Variants in MSRA observed in about 807,000 individuals in gnomAD.
The protein encoded by MSRA is mitochondrial peptide methionine sulfoxide reductase.
A neutral mutation model predicts 31.3 loss-of-function variants in MSRA; 54 were observed. The ratio of observed to expected loss-of-function variants is 1.73; its 90% confidence interval spans 1.39 to 2.17. The LOEUF is 2.17. Among genes scored for constraint, MSRA ranks in the 30% most tolerant of loss-of-function variants. MSRA has a pLI of 0.00. For synonymous variants in MSRA, 169 were observed against 116.5 expected (o/e 1.45, Z -2.90); for missense variants, 507 against 300.9 (o/e 1.69, Z -5.07).
At chr8:10,376,961 C>T (rs1473555804) in intron 5 of MSRA, among the ~76,000 whole-genome samples, 1 of 152,142 alleles carries the variant, frequency 6.6e-6, no homozygotes, top group Middle Eastern at 3.2e-3. Flanking sequence ...GGGAAGGGAT[C>T]AAGAGGACTG....
chr8:10,098,150 C>G (rs914933170), intron 1 of MSRA, among the ~76,000 whole-genome samples: 1 of 152,040 alleles, frequency 6.6e-6, no homozygotes, highest in African/African-American at 2.4e-5. Context: ...AACACATTGA[C>G]ATTTAGGTTA....
chr8:10,157,941 A>G (rs965875447), intron 1 of MSRA, among the ~76,000 whole-genome samples: 4 of 152,192 alleles, frequency 2.6e-5, no homozygotes, highest in African/African-American at 4.8e-5. Context: ...TTGGGCTACT[A>G]TAACAGAATA....
intron 2 of MSRA, among the ~76,000 whole-genome samples, chr8:10,243,435 C>T (rs762059054): frequency 7.9e-5 from 12 of 152,082 alleles, no homozygotes; most frequent in Admixed American, 3.9e-4. Context: ...AATGCTTTTG[C>T]CGGAGACCTG....
chr8:10,322,505 G>C (rs1357798021), intron 5 of MSRA, among the ~76,000 whole-genome samples: 1 of 152,180 alleles, frequency 6.6e-6, no homozygotes, highest in Non-Finnish European at 1.5e-5. Flanking sequence ...CAAGTGTACA[G>C]AGAAGCAGAG....
intron 2 of MSRA, among the ~76,000 whole-genome samples, chr8:10,242,025 A>G (rs537189217): frequency 6.6e-6 from 1 of 152,260 alleles, no homozygotes; most frequent in South Asian, 2.1e-4. Context: ...TAATCCCAGC[A>G]CTTTGGGAGG....
intron 2 of MSRA, among the ~76,000 whole-genome samples, chr8:10,231,007 A>G (rs565977127): frequency 1.3e-5 from 2 of 152,174 alleles, no homozygotes; most frequent in African/African-American, 4.8e-5. Context: ...CGAGTCTCGA[A>G]CTCTTGACCT....
At chr8:10,376,511 A>G (rs1372703871) in intron 5 of MSRA, among the ~76,000 whole-genome samples, 1 of 152,176 alleles carries the variant, frequency 6.6e-6, no homozygotes, top group Non-Finnish European at 1.5e-5. Context: ...CCCAATCTCT[A>G]CAATAAGGGT....
chr8:10,428,567 G>A lies in MSRA; in HGVS notation c.*255G>A, dbSNP rs1809347318. ...GTCTTCTGGGGTCTGAGTGAAGATA[G>A]CAGGGATGCTGTGTTCACCCTTCTT... On this transcript the variant is annotated 3_prime_UTR_variant, in exon 6 of 6. Coordinates refer to ENST00000317173, the MANE Select transcript of MSRA (RefSeq NM_012331.5). The A allele has an allele frequency of 4.5e-6, 2 of 440,790 alleles. No homozygotes were observed. The highest frequency in any genetic ancestry group is 4.5e-5 in the South Asian group (2 of 44,158). 27.3% of individuals were successfully genotyped at this position (440,790 alleles called of 1,614,324 possible). A position where few individuals can be genotyped will look rare whatever the true frequency, so the allele number is the denominator to read the frequency against.
chr8:10,111,894 C>T (rs767354349), intron 1 of MSRA, among the ~76,000 whole-genome samples: 1 of 152,166 alleles, frequency 6.6e-6, no homozygotes, highest in Non-Finnish European at 1.5e-5. Flanking sequence ...AGGATGGTGA[C>T]ACTCAAGTGG....
chr8:10,282,964 C>A (rs1393699544), intron 3 of MSRA, among the ~76,000 whole-genome samples: 1 of 152,134 alleles, frequency 6.6e-6, no homozygotes, highest in Non-Finnish European at 1.5e-5. Context: ...CCAGTCCTAA[C>A]CCTTAGAAAA....
At chr8:10,152,870 T>A (rs1394517112) in intron 1 of MSRA, among the ~76,000 whole-genome samples, 1 of 152,152 alleles carries the variant, frequency 6.6e-6, no homozygotes, top group Admixed American at 6.5e-5. Context: ...GGGATGAACC[T>A]TGAGGACATG....
intron 1 of MSRA, among the ~76,000 whole-genome samples, chr8:10,097,390 G>A (rs577918058): frequency 9.9e-5 from 15 of 152,074 alleles, no homozygotes; most frequent in Admixed American, 9.2e-4. Flanking sequence ...TGAAAGACAT[G>A]CTGATAGGCA....
At chr8:10,109,559 C>A (rs764752972) in intron 1 of MSRA, among the ~76,000 whole-genome samples, 11 of 152,070 alleles carry the variant, frequency 7.2e-5, no homozygotes, top group Non-Finnish European at 1.5e-4. Context: ...CCAGGCTGGT[C>A]TCGAATTCCT....
chr8:10,247,544 G>A (rs1239914985), intron 3 of MSRA, among the ~76,000 whole-genome samples: 4 of 152,166 alleles, frequency 2.6e-5, no homozygotes, highest in Admixed American at 2.6e-4. Flanking sequence ...GAAGGAAAAA[G>A]GGCCAAGCCA....
At chr8:10,166,709 C>G (rs1055424181) in intron 1 of MSRA, among the ~76,000 whole-genome samples, 9 of 152,196 alleles carry the variant, frequency 5.9e-5, no homozygotes, top group African/African-American at 2.2e-4. Context: ...CTTGATCATA[C>G]TTTTACAACT....
At chr8:10,172,451 G>C (rs1312893486) in intron 1 of MSRA, among the ~76,000 whole-genome samples, 5 of 152,162 alleles carry the variant, frequency 3.3e-5, no homozygotes, top group Non-Finnish European at 7.4e-5. Flanking sequence ...TAGCAGGGCA[G>C]GGGAGGGGGA....
intron 1 of MSRA, among the ~76,000 whole-genome samples, chr8:10,140,646 T>G (rs528061132): frequency 1.3e-5 from 2 of 152,278 alleles, no homozygotes; most frequent in South Asian, 4.2e-4. Context: ...ATAATTTGGA[T>G]TTTTCTGCAG....
intron 1 of MSRA, among the ~76,000 whole-genome samples, chr8:10,122,098 C>G (rs1801160624): frequency 1.3e-5 from 2 of 152,096 alleles, no homozygotes; most frequent in Admixed American, 1.3e-4. Flanking sequence ...TCTGTCCTGT[C>G]ACCATGGCAA....
intron 4 of MSRA, among the ~76,000 whole-genome samples, chr8:10,311,430 C>T (rs1464757404): frequency 6.6e-6 from 1 of 152,074 alleles, no homozygotes; most frequent in Non-Finnish European, 1.5e-5. Flanking sequence ...GACACAATTC[C>T]AGCACTTGAC....
Sources: allele counts gnomAD v4.1 joint callset (sites outside exome capture counted in the v4.1 genomes callset), GRCh38; gene constraint gnomAD v4.1.1; transcripts MANE v1.5; gene names NCBI Gene and HGNC (gene_info 2026-07-23, HGNC 2026-07-21).